TNFRSF9: variants seen among roughly 807,000 people sequenced by gnomAD.
The protein encoded by TNFRSF9 is tumor necrosis factor receptor superfamily member 9.
A neutral mutation model predicts 28.8 loss-of-function variants in TNFRSF9; 16 were observed. The ratio of observed to expected loss-of-function variants is 0.55; its 90% CI spans 0.38 to 0.84. TNFRSF9 has a LOEUF of 0.84. Ranked by LOEUF, TNFRSF9 falls within the 40% of genes least tolerant of loss-of-function variation. The pLI is 0.00. For synonymous variants in TNFRSF9, 131 were observed against 117.0 expected (o/e 1.12, Z -0.77); for missense variants, 303 against 315.0 (o/e 0.96, Z 0.29).
chr1:7,926,250 CTACACAAA>C (rs1639648888), intron 7 of TNFRSF9, among the ~76,000 whole-genome samples: 1 of 152,130 alleles, frequency 6.6e-6, no homozygotes, highest in Non-Finnish European at 1.5e-5. Context: ...ATATGTTTAG[CTACACAAA>C]TACCATTATG....
At chr1:7,925,730 C>G in intron 7 of TNFRSF9, among the ~76,000 whole-genome samples, 1 of 152,142 alleles carries the variant, frequency 6.6e-6, no homozygotes, top group Admixed American at 6.5e-5. Context: ...TCATAAGGAG[C>G]GTGCAACCTC....
intron 7 of TNFRSF9, among the ~76,000 whole-genome samples, chr1:7,928,530 C>T (rs1639686825): frequency 6.6e-6 from 1 of 152,150 alleles, no homozygotes. Flanking sequence ...AGTGAAAAAG[C>T]AAAATCTTAA....
intron 7 of TNFRSF9, among the ~76,000 whole-genome samples, chr1:7,928,552 G>A (rs1200449509): frequency 1.3e-5 from 2 of 152,210 alleles, no homozygotes; most frequent in South Asian, 2.1e-4. Flanking sequence ...AAAAGTTCAC[G>A]TTTGTGAAAG....
At chr1:7,929,572 G>C (rs9658008) in intron 7 of TNFRSF9, among the ~76,000 whole-genome samples, 8,345 of 152,008 alleles carry the variant, frequency 0.055, 794 homozygotes, top group African/African-American at 0.19. Flanking sequence ...TTTTAGAGAG[G>C]CTCTCTCTAT....
At chr1:7,929,075 C>T (rs938991052) in intron 7 of TNFRSF9, among the ~76,000 whole-genome samples, 1 of 151,978 alleles carries the variant, frequency 6.6e-6, no homozygotes, top group Admixed American at 6.6e-5. Context: ...AATACTTCTG[C>T]CGGTATTGAT....
At chr1:7,934,476 C>G (rs1043676625) in intron 6 of TNFRSF9, among the ~76,000 whole-genome samples, 3 of 151,602 alleles carry the variant, frequency 2.0e-5, no homozygotes, top group African/African-American at 7.3e-5. Context: ...TTTGGGAGGC[C>G]GAGGTGGGCG....
Position 7,937,760 on chromosome 1 carries a change from G to A in TNFRSF9, c.347-4C>T. On this transcript the variant is annotated splice_region_variant and splice_polypyrimidine_tract_variant and intron_variant, in intron 4 of 7. Transcript: ENST00000377507. ...CCAAAGCAACAGTCTTTACAACCTT[G>A]TATTAAAAATGAAAGCAATAATAAA... The A allele has an allele frequency of 3.7e-6, 6 of 1,607,828 alleles. No homozygotes were observed. The highest frequency in any genetic ancestry group is 5.1e-6 in the Non-Finnish European group (6 of 1,175,800).
At chr1:7,940,479 C>G (rs1033313521) in intron 1 of TNFRSF9, among the ~76,000 whole-genome samples, 2 of 152,162 alleles carry the variant, frequency 1.3e-5, no homozygotes, top group Admixed American at 1.3e-4. Context: ...CAAGAAGAAG[C>G]TATCACATAA....
At chr1:7,937,500 T>A (rs9657968) in intron 5 of TNFRSF9, among the ~76,000 whole-genome samples, 190 bp downstream of exon 5, 6,903 of 152,244 alleles carry the variant, frequency 0.045, 558 homozygotes, top group African/African-American at 0.16. Flanking sequence ...CCAGGCACTA[T>A]TTCTGGAGAA....
intron 7 of TNFRSF9, 155 bp downstream of exon 7, chr1:7,933,007 C>A (rs1639757044): frequency 1.2e-6 from 1 of 842,994 alleles, no homozygotes; most frequent in Non-Finnish European, 1.8e-6. Context: ...TGTCTCCAGA[C>A]ACTGCAAATA....
intron 7 of TNFRSF9, among the ~76,000 whole-genome samples, chr1:7,924,294 C>CATATGTGTATATATAT (rs1238435280): frequency 2.3e-5 from 3 of 129,996 alleles, no homozygotes; most frequent in African/African-American, 8.6e-5. Flanking sequence ...TAGTATATTC[C>CATATGTGTATATATAT]ATATATATAT....
intron 4 of TNFRSF9, 137 bp downstream of exon 4, chr1:7,938,056 T>A: frequency 1.6e-6 from 1 of 632,820 alleles, no homozygotes; most frequent in Non-Finnish European, 2.4e-6. Flanking sequence ...TTTTATTAAT[T>A]AAAATATGAT....
intron 7 of TNFRSF9, among the ~76,000 whole-genome samples, chr1:7,928,512 T>C (rs1280063583): frequency 6.6e-6 from 1 of 152,222 alleles, no homozygotes; most frequent in Admixed American, 6.5e-5. Flanking sequence ...ATCAAGGGCA[T>C]TGTGCTGAGT....
Position 7,937,761 on chromosome 1 carries a change from T to C in TNFRSF9, c.347-5A>G. 2.5e-6 allele frequency: 4 copies of C among 1,609,288 alleles called. No individual in the cohort carries two copies. The highest frequency in any genetic ancestry group is 3.4e-6 in the Non-Finnish European group (4 of 1,176,800). ...CAAAGCAACAGTCTTTACAACCTTG[T>C]ATTAAAAATGAAAGCAATAATAAAA... On this transcript the variant is annotated splice_region_variant and splice_polypyrimidine_tract_variant and intron_variant, in intron 4 of 7. Transcript: ENST00000377507.
intron 7 of TNFRSF9, among the ~76,000 whole-genome samples, chr1:7,927,129 A>G (rs1639667674): frequency 6.6e-6 from 1 of 152,084 alleles, no homozygotes; most frequent in African/African-American, 2.4e-5. Context: ...TCAACATTCC[A>G]CTGGAGGCTA....
At chr1:7,933,958 A>C (rs1234677439) in intron 6 of TNFRSF9, among the ~76,000 whole-genome samples, 1 of 152,140 alleles carries the variant, frequency 6.6e-6, no homozygotes, top group African/African-American at 2.4e-5. Flanking sequence ...TAGAGGTTGC[A>C]GTGAGCCGAG....
chr1:7,933,183 G>T lies in TNFRSF9; in HGVS notation c.658C>A (p.Leu220Ile). 6.2e-7 allele frequency: 1 copy of T among 1,613,832 alleles called. No homozygotes were observed. The change falls in exon 7 of 8, where the codon CTC becomes ATC. Residue 220 changes from leucine (L) to isoleucine (I), a missense_variant. Coordinates refer to ENST00000377507, the MANE Select transcript of TNFRSF9 (RefSeq NM_001561.6). The part of the protein sequence containing the change: ...FSVVKRGRKK[L>I]LYIFKQPFMR... Reference sequence around the variant, plus strand: ...TTACGTTGTTTGAATATATACAGGAGTTTCTTTCTGCCCCGTTTAACAACA... The same window carrying T: ...TTACGTTGTTTGAATATATACAGGATTTTCTTTCTGCCCCGTTTAACAACA...
rs558185715 is a variant in TNFRSF9 at position 7,938,227 on chromosome 1, C to A, written c.312G>T (p.Gln104His). 6.2e-7 allele frequency: 1 copy of A among 1,604,874 alleles called. No homozygotes were observed. The highest frequency in any genetic ancestry group is 1.3e-5 in the African/African-American group (1 of 74,538). The change falls in exon 4 of 8, where the codon CAG becomes CAT. Residue 104 changes from glutamine (Q) to histidine (H), a missense_variant. Transcript: ENST00000377507. ...TCAGTTCTTGACCTTGTTTACAATC[C>A]TGTTCACACATGCTGCATCCTGCCC... is the stretch of plus-strand genomic sequence containing the variant. ...CLGAGCSMCE[Q>H]DCKQGQELTK...
In TNFRSF9 at chr1:7,920,772, CG is replaced by C; in HGVS notation, c.*62del. On this transcript the variant is annotated 3_prime_UTR_variant, in exon 8 of 8. Coordinates refer to ENST00000377507, the MANE Select transcript of TNFRSF9 (RefSeq NM_001561.6). ...TTCTTGCTTTTGAAAGCTGTGATAG[CG>C]GATGACTCATATTTCCTTGCTTCTT... 7.8e-7 allele frequency: 1 copy of C among 1,279,450 alleles called. No individual in the cohort carries two copies. Among genetic ancestry groups the C allele is most frequent in the Non-Finnish European group, 1.1e-6 (1 of 876,524 alleles). The allele number at this position is 1,279,450 out of a possible 1,614,324, so 79.3% of individuals were successfully genotyped here.
Sources: gnomAD v4.1 joint callset for allele counts (sites outside exome capture counted in the v4.1 genomes callset) on GRCh38, gnomAD v4.1.1 for gene constraint, MANE v1.5 for transcripts, NCBI Gene and HGNC (gene_info 2026-07-23, HGNC 2026-07-21) for gene names.